Variants in VASP observed in about 807,000 individuals in gnomAD.
The protein encoded by VASP is vasodilator-stimulated phosphoprotein.
Under a neutral mutation model 54.4 loss-of-function variants are expected in VASP, and 27 were observed. The ratio of observed to expected loss-of-function variants is 0.50; its 90% CI spans 0.37 to 0.68. VASP has a LOEUF of 0.68. Ranked by LOEUF, VASP falls within the 30% of genes least tolerant of loss-of-function variation. The pLI, the probability that VASP is intolerant of heterozygous loss-of-function variation, is 0.00. For missense variants in VASP, 488 were observed against 528.3 expected (o/e 0.92, Z 0.75); for synonymous variants, 233 against 209.8 (o/e 1.11, Z -0.96).
At chr19:45,510,010 C>G (rs984244698) in intron 1 of VASP, among the ~76,000 whole-genome samples, 1 of 152,050 alleles carries the variant, frequency 6.6e-6, no homozygotes, top group Non-Finnish European at 1.5e-5. Flanking sequence ...TTGGCTGTGT[C>G]CGGGACTGGA....
intron 4 of VASP, among the ~76,000 whole-genome samples, chr19:45,521,827 TG>T (rs1968841435): frequency 6.6e-6 from 1 of 150,530 alleles, no homozygotes; most frequent in Non-Finnish European, 1.5e-5. Context: ...AGGCAGAGGT[TG>T]CAGTGAGCCA....
At chr19:45,523,966 G>T in intron 9 of VASP, 89 bp downstream of exon 9, 1 of 1,609,884 alleles carries the variant, frequency 6.2e-7, no homozygotes, top group Non-Finnish European at 8.5e-7. Context: ...GGAGAGTCAG[G>T]GCGAATGGTG....
At chr19:45,509,624 G>A (rs1040903861) in intron 1 of VASP, among the ~76,000 whole-genome samples, 2 of 152,256 alleles carry the variant, frequency 1.3e-5, no homozygotes, top group Non-Finnish European at 2.9e-5. Flanking sequence ...TGGGGGTGCT[G>A]GGGTGGGGTG....
rs1216739246 is a variant in VASP at position 45,524,665 on chromosome 19, C to T, written c.1047+5C>T. ...GACCTACAGAGGGTGAAACAGGTAA[C>T]TTGGGGGGGAAGTTGGGGACCACAG... On this transcript the variant is annotated splice_donor_5th_base_variant and intron_variant, in intron 11 of 12. Transcript: ENST00000245932. 3 of 1,613,524 alleles carry T rather than the reference C, an allele frequency of 1.9e-6. No individual in the cohort carries two copies. The highest frequency in any genetic ancestry group is 2.2e-5 in the East Asian group (1 of 44,850).
chr19:45,522,573 G>C lies in VASP; in HGVS notation c.712G>C (p.Val238Leu). 1 of 1,466,038 alleles carries C rather than the reference G, an allele frequency of 6.8e-7. No homozygotes were observed. The highest frequency in any genetic ancestry group is 9.0e-7 in the Non-Finnish European group (1 of 1,115,034). 90.8% of individuals were successfully genotyped at this position (1,466,038 alleles called of 1,614,324 possible). ...TATTGCTGGAGCCAAACTCAGGAAA[G>C]TCAGCAAGGTGAGGGGCCGGGAGAG... ...AAIAGAKLRK[V>L]SKQEEASGGP... Residue 238 changes from valine to leucine, a missense_variant, in exon 6 of 13, where the codon GTC becomes CTC. Physicochemically the swap from Val to Leu is conservative, Grantham distance 32. Transcript: ENST00000245932.
rs1968508941 is a variant in VASP at position 45,507,519 on chromosome 19, G to T, written c.-253G>T. ...ACACTGTAGCCGCCACCGGCAAGGG[G>T]TGCGCGCTGGGGAGCGGACGCTGCA... On this transcript the variant is annotated 5_prime_UTR_variant, in exon 1 of 13. Coordinates refer to ENST00000245932, the MANE Select transcript of VASP (RefSeq NM_003370.4). The surrounding 1 kb of genome is among the most constrained non-coding windows in gnomAD (Gnocchi z 4.4). The T allele has an allele frequency of 2.0e-6, 1 of 503,760 alleles. No individual in the cohort carries two copies. The highest frequency in any genetic ancestry group is 3.5e-6 in the Non-Finnish European group (1 of 285,758). 31.2% of individuals were successfully genotyped at this position (503,760 alleles called of 1,614,324 possible).
intron 1 of VASP, among the ~76,000 whole-genome samples, chr19:45,517,041 C>A (rs1296662053): frequency 3.4e-5 from 5 of 147,370 alleles, no homozygotes; most frequent in South Asian, 4.3e-4. Context: ...GCTTGTAGTC[C>A]CAGCTACTTG....
chr19:45,525,291 C>T lies in VASP; in HGVS notation c.1047+631C>T, dbSNP rs150671986. On this transcript the variant is annotated intron_variant, in intron 11 of 12. Coordinates refer to ENST00000245932, the MANE Select transcript of VASP (RefSeq NM_003370.4). ...AAAAGTTACCTGAGAAGGCCAGGTG[C>T]GGTGGCTCATGCCTGTAATCCCAGC... Among the ~76,000 whole-genome samples, 1,397 of 152,190 alleles carry T rather than the reference C, an allele frequency of 9.2e-3. 24 individuals are homozygous for T. Among genetic ancestry groups the T allele is most frequent in the African/African-American group, 0.031 (1,306 of 41,536 alleles).
At chr19:45,522,041 G>A in intron 4 of VASP, 127 bp from the exon 5 acceptor site, 1 of 1,262,810 alleles carries the variant, frequency 7.9e-7, no homozygotes, top group Non-Finnish European at 1.1e-6. Flanking sequence ...AGGGGAGGAA[G>A]GCTTGGGTGA....
rs185696121 is a variant in VASP at position 45,511,675 on chromosome 19, T to G, written c.5+3899T>G. Among the ~76,000 whole-genome samples the G allele has an allele frequency of 1.9e-3, 295 of 152,340 alleles. 4 individuals carry two copies. The highest frequency in any genetic ancestry group is 7.6e-4 in the Non-Finnish European group (52 of 68,026). On this transcript the variant is annotated intron_variant, in intron 1 of 12. Coordinates refer to ENST00000245932, the MANE Select transcript of VASP (RefSeq NM_003370.4). ...ACCCCCGTTTTATGGCTATGGGATTTTCGTTCTGGCTTTTGTGTAGTTTAC... is the reference window on the plus strand; with the variant it reads ...ACCCCCGTTTTATGGCTATGGGATTGTCGTTCTGGCTTTTGTGTAGTTTAC...
At chr19:45,508,539 G>A (rs1320652346) in intron 1 of VASP, among the ~76,000 whole-genome samples, 1 of 151,030 alleles carries the variant, frequency 6.6e-6, no homozygotes, top group Admixed American at 6.6e-5. Context: ...GCGCGGCCCT[G>A]GAGAGGGAGG....
rs1968864263 is a variant in VASP at position 45,522,556 on chromosome 19, G to A, written c.695G>A (p.Gly232Glu). 1.4e-6 allele frequency: 2 copies of A among 1,460,710 alleles called. No homozygotes were observed. Among genetic ancestry groups the A allele is most frequent in the Non-Finnish European group, 1.8e-6 (2 of 1,112,192 alleles). 90.5% of individuals were successfully genotyped at this position (1,460,710 alleles called of 1,614,324 possible). Residue 232 changes from glycine to glutamate, a missense_variant, in exon 6 of 13, where the codon GGA (glycine) becomes GAA (glutamate). Gly to Glu is a moderately conservative substitution (Grantham distance 98, BLOSUM62 -2). Around this residue, in one of 4 missense-constraint regions of VASP, gnomAD observed 226 missense variants for 196.0 expected, o/e 1.15. Coordinates refer to ENST00000245932, the MANE Select transcript of VASP (RefSeq NM_003370.4). The part of the protein sequence containing the change: ...GAPGLAAAIA[G>E]AKLRKVSKQE... ...CCAGGCCTGGCCGCAGCTATTGCTG[G>A]AGCCAAACTCAGGAAAGTCAGCAAG...
At chr19:45,508,810 T>C (rs1042625890) in intron 1 of VASP, among the ~76,000 whole-genome samples, 1 of 152,126 alleles carries the variant, frequency 6.6e-6, no homozygotes, top group Non-Finnish European at 1.5e-5. Flanking sequence ...AATTTAATCC[T>C]GGGGGTGGCG....
At chr19:45,519,746 CCACCACAT>C (rs1316247739) in intron 3 of VASP, among the ~76,000 whole-genome samples, 4,416 of 150,572 alleles carry the variant, frequency 0.029, 249 homozygotes, top group African/African-American at 0.1. Flanking sequence ...CAGGCACCCG[CCACCACAT>C]CCAGCTAATT....
chr19:45,525,822 T>C, intron 11 of VASP, 124 bp from the exon 12 acceptor site: 1 of 910,630 alleles, frequency 1.1e-6, no homozygotes, highest in South Asian at 1.7e-5. Context: ...TGAGCTGTGA[T>C]CATGCCATTG....
chr19:45,509,849 A>G (rs955714823), intron 1 of VASP, among the ~76,000 whole-genome samples: 1 of 152,208 alleles, frequency 6.6e-6, no homozygotes, highest in Non-Finnish European at 1.5e-5. Flanking sequence ...TTCCTAGGCA[A>G]CGTTGGAGGG....
At chr19:45,524,505 G>C in intron 10 of VASP, 65 bp from the exon 11 acceptor site, 1 of 1,488,100 alleles carries the variant, frequency 6.7e-7, no homozygotes, top group Admixed American at 1.7e-5. Flanking sequence ...CCCTGGAATA[G>C]GAGGCGGGGA....
chr19:45,519,758 G>A (rs1968787983), intron 3 of VASP, among the ~76,000 whole-genome samples: 1 of 142,758 alleles, frequency 7.0e-6, no homozygotes, highest in African/African-American at 3.0e-5. Context: ...ACCACATCCA[G>A]CTAATTTTTT....
chr19:45,522,589 G>A lies in VASP; in HGVS notation c.720+8G>A, dbSNP rs756901801. On this transcript the variant is annotated splice_region_variant and intron_variant, in intron 6 of 12. Transcript: ENST00000245932. ...CTCAGGAAAGTCAGCAAGGTGAGGG[G>A]CCGGGAGAGGTGGGCAGGGGGCAAC... 2.0e-6 allele frequency: 3 copies of A among 1,477,554 alleles called. No individual in the cohort carries two copies. The highest frequency in any genetic ancestry group is 1.4e-5 in the South Asian group (1 of 71,796). 91.5% of individuals were successfully genotyped at this position (1,477,554 alleles called of 1,614,324 possible).
Sources: gnomAD v4.1 joint callset for allele counts (sites outside exome capture counted in the v4.1 genomes callset) on GRCh38, gnomAD v4.1.1 for gene constraint, gnomAD v4.1.1 regional missense constraint, Gnocchi (gnomAD v3.1) non-coding constraint, MANE v1.5 for transcripts, NCBI Gene and HGNC (gene_info 2026-07-23, HGNC 2026-07-21) for gene names.